The following CASK variants were observed in gnomAD, a reference collection of about 807,000 sequenced individuals.
CASK encodes calcium/calmodulin dependent serine protein kinase.
Under a neutral mutation model 82.9 loss-of-function variants are expected in CASK, and 4 were observed. The ratio of observed to expected loss-of-function variants is 0.05; its 90% CI spans 0.02 to 0.11. CASK has a LOEUF of 0.11. Among genes scored for constraint, CASK ranks in the 10% least tolerant of loss-of-function variants. CASK has a pLI of 1.00. For missense variants in CASK, 358 were observed against 720.9 expected (o/e 0.50, Z 5.76); for synonymous variants, 259 against 253.5 (o/e 1.02, Z -0.20).
At chrX:41,793,533 G>A (rs191505053) in intron 2 of CASK, among the ~76,000 whole-genome samples, 45 of 111,807 alleles carry the variant, frequency 4.0e-4, no homozygotes, top group African/African-American at 1.2e-3. Context: ...TAGATACTGC[G>A]CTTTTCCTAA....
intron 5 of CASK, among the ~76,000 whole-genome samples, chrX:41,709,635 T>C (rs1402240886): frequency 9.0e-6 from 1 of 111,386 alleles, no homozygotes; most frequent in Non-Finnish European, 1.9e-5. Flanking sequence ...AATAATAGAA[T>C]CTATCTCAGA....
chrX:41,667,736 T>C (rs1008584887), intron 6 of CASK, among the ~76,000 whole-genome samples: 3 of 111,371 alleles, frequency 2.7e-5, no homozygotes, highest in Non-Finnish European at 5.6e-5. Context: ...AGTTAAATAA[T>C]TTTGTATGGC....
intron 3 of CASK, among the ~76,000 whole-genome samples, chrX:41,783,812 C>T (rs1463596221): frequency 8.9e-6 from 1 of 111,932 alleles, no homozygotes; most frequent in East Asian, 2.8e-4. Flanking sequence ...TGATGCCACA[C>T]TGAATAAGCA....
chrX:41,557,216 A>G (rs982174411), intron 18 of CASK, 116 bp from the exon 19 acceptor site: 6 of 624,974 alleles, frequency 9.6e-6, no homozygotes, highest in African/African-American at 6.6e-5. Context: ...TTTGAGCTGT[A>G]TAGGTGCCAT....
rs140350772 is a variant in CASK at position 41,604,731 on chromosome X, T to C, written c.1155+5173A>G. On this transcript the variant is annotated intron_variant, in intron 12 of 26. Coordinates refer to ENST00000378163, the MANE Select transcript of CASK (RefSeq NM_001367721.1). The stretch of plus-strand genomic sequence containing the variant: ...TCTTAGCACCAGTGCTTTTAATTTT[T>C]AAATACAGGCATACTGCAACAAGCT... 5.4e-3 allele frequency among the ~76,000 whole-genome samples: 610 copies of C among 112,217 alleles called. 5 individuals carry two copies. Among genetic ancestry groups the C allele is most frequent in the Middle Eastern group, 9.2e-3 (2 of 217 alleles).
At chrX:41,611,004 G>A (rs1034331743) in intron 11 of CASK, among the ~76,000 whole-genome samples, 1 of 111,702 alleles carries the variant, frequency 9.0e-6, no homozygotes, top group Non-Finnish European at 1.9e-5. Context: ...TTCTCAACCA[G>A]GGGCAATTTT....
chrX:41,578,307 T>G, intron 15 of CASK, 33 bp downstream of exon 15: 34 of 1,055,430 alleles, frequency 3.2e-5, no homozygotes, highest in Non-Finnish European at 4.0e-5. Flanking sequence ...TGGGATCTTA[T>G]GAGAGTATTG....
chrX:41,518,080 T>G lies in CASK; in HGVS notation c.*2340A>C, dbSNP rs1439328406. On this transcript the variant is annotated 3_prime_UTR_variant, in exon 27 of 27. Coordinates refer to ENST00000378163, the MANE Select transcript of CASK (RefSeq NM_001367721.1). Reference sequence around the variant, plus strand: ...AATTGTGGGGCCACAGACATTTAAGTTGGCATTGCTTTTCTCCTCCTCTGC... The same window carrying G: ...AATTGTGGGGCCACAGACATTTAAGGTGGCATTGCTTTTCTCCTCCTCTGC... 4.0e-6 allele frequency: 1 copy of G among 251,747 alleles called. No homozygotes were observed. The highest frequency in any genetic ancestry group is 7.0e-6 in the Non-Finnish European group (1 of 142,144). 20.7% of individuals were successfully genotyped at this position (251,747 alleles called of 1,213,427 possible).
At chrX:41,643,557 T>C (rs2066699547) in intron 8 of CASK, among the ~76,000 whole-genome samples, 1 of 111,770 alleles carries the variant, frequency 8.9e-6, no homozygotes, top group Non-Finnish European at 1.9e-5. Context: ...AGTTCACTCA[T>C]GATTTGGCTC....
chrX:41,902,016 G>A (rs776042707), intron 1 of CASK, among the ~76,000 whole-genome samples: 41 of 110,990 alleles, frequency 3.7e-4, no homozygotes, highest in Non-Finnish European at 6.8e-4. Context: ...CCTGGAGCCC[G>A]GATCCGCCAG....
At chrX:41,725,244 T>C (rs1019737305) in intron 5 of CASK, among the ~76,000 whole-genome samples, 6 of 111,962 alleles carry the variant, frequency 5.4e-5, no homozygotes, top group African/African-American at 1.9e-4. Context: ...TTCAAGACTT[T>C]GGGTGTGGAT....
At chrX:41,727,243 A>G in intron 5 of CASK, 1 of 1,203,755 alleles carries the variant, frequency 8.3e-7, no homozygotes, top group Non-Finnish European at 1.1e-6. Context: ...TTTCATGAGT[A>G]TCTATTTCCT....
chrX:41,610,821 C>T (rs909831244), intron 11 of CASK, among the ~76,000 whole-genome samples: 4 of 111,588 alleles, frequency 3.6e-5, no homozygotes, highest in African/African-American at 1.3e-4. Context: ...AAGCCATTTA[C>T]ACAGCCTTAA....
intron 1 of CASK, among the ~76,000 whole-genome samples, chrX:41,888,793 A>ATATATGTATATATACATG (rs751207438): frequency 1.9e-5 from 2 of 105,374 alleles, no homozygotes; most frequent in Non-Finnish European, 3.9e-5. Context: ...GTATGTGTAT[A>ATATATGTATATATACATG]TATATGTATA....
At position 41,671,543 on chromosome X, in the gene CASK, A is replaced by C; in HGVS notation, c.430-13T>G. 3 of 1,084,725 alleles carry C rather than the reference A, an allele frequency of 2.8e-6. No individual in the cohort carries two copies. The highest frequency in any genetic ancestry group is 3.8e-6 in the Non-Finnish European group (3 of 780,221). The allele number at this position is 1,084,725 out of a possible 1,213,427, so 89.4% of individuals were successfully genotyped here. ...GAACACAGTGGGGCTGAAAAGAAAA[A>C]CAGACGAACAAACAAACAAAAAACA... On this transcript the variant is annotated splice_polypyrimidine_tract_variant and intron_variant, in intron 5 of 26. Coordinates refer to ENST00000378163, the MANE Select transcript of CASK (RefSeq NM_001367721.1).
At chrX:41,695,040 TG>T (rs1357021871) in intron 5 of CASK, among the ~76,000 whole-genome samples, 2 of 111,953 alleles carry the variant, frequency 1.8e-5, no homozygotes, top group Admixed American at 1.9e-4. Flanking sequence ...TTGAGAAATA[TG>T]AGCTGTCATT....
rs754628801 is a variant in CASK, at chrX:41,638,624, G to A, written c.832-1963C>T. On this transcript the variant is annotated intron_variant, in intron 8 of 26. Transcript: ENST00000378163. ...TGACATTTAGAAGAGGTGAGGGAGT[G>A]GTCTAGGCAGAGAAAATAACCAATG... 4.5e-5 allele frequency among the ~76,000 whole-genome samples: 5 copies of A among 111,143 alleles called. No individual in the cohort carries two copies. In the East Asian group the frequency reaches 1.1e-3, roughly 25 times the overall value.
intron 3 of CASK, among the ~76,000 whole-genome samples, chrX:41,757,219 C>G (rs1383498418): frequency 9.0e-6 from 1 of 111,706 alleles, no homozygotes; most frequent in Non-Finnish European, 1.9e-5. Context: ...ATCTTTAATT[C>G]TGTTTTTTTT....
chrX:41,898,000 G>A (rs1287345431), intron 1 of CASK, among the ~76,000 whole-genome samples: 1 of 111,783 alleles, frequency 8.9e-6, no homozygotes, highest in East Asian at 2.8e-4. Context: ...AATGAGTTTG[G>A]AAGTATTCCC....
Sources: allele counts gnomAD v4.1 joint callset (sites outside exome capture counted in the v4.1 genomes callset), GRCh38; gene constraint gnomAD v4.1.1; transcripts MANE v1.5; gene names NCBI Gene and HGNC (gene_info 2026-07-23, HGNC 2026-07-21).